FRMD5: variants seen among roughly 807,000 people sequenced by gnomAD.
The protein encoded by FRMD5 is FERM domain-containing protein 5.
FRMD5 carries 20 observed loss-of-function variants against 69.0 expected under a neutral mutation model. That is an observed-to-expected ratio of 0.29 (90% confidence interval 0.20 to 0.42). FRMD5 has a LOEUF of 0.42. Ranked by LOEUF, FRMD5 falls within the 10% of genes least tolerant of loss-of-function variation. FRMD5 has a pLI of 1.00. For synonymous variants in FRMD5, 271 were observed against 260.1 expected, an observed-to-expected ratio of 1.04 and a Z score of -0.40; for missense variants, 595 against 708.6, an observed-to-expected ratio of 0.84 and a Z score of 1.82.
intron 7 of FRMD5, among the ~76,000 whole-genome samples, chr15:43,899,479 G>A (rs1567218602): frequency 6.6e-6 from 1 of 152,116 alleles, no homozygotes; most frequent in Non-Finnish European, 1.5e-5. Context: ...TTGCTCTACC[G>A]CTGAGGGCTT....
Position 43,874,371 on chromosome 15 carries a change from C to T in FRMD5, c.1227G>A (p.Arg409=), listed in dbSNP as rs750681338. 1.9e-6 allele frequency: 3 copies of T among 1,614,172 alleles called. No homozygotes were observed. In the Admixed American group the frequency reaches 5.0e-5, roughly 27 times the overall value. ...DTFLPHVRSS[R]TDSNERVAVI... ...CAGCTACTCGCTCATTGCTATCTGT[C>T]CGGCTGCTTCTCACGTGAGGCAGGA... is the stretch of plus-strand genomic sequence containing the variant. The change falls in exon 14 of 14, where the codon CGG becomes CGA. Residue 409 remains arginine (R), a synonymous_variant. Coordinates refer to ENST00000417257, the MANE Select transcript of FRMD5 (RefSeq NM_032892.5).
chr15:44,048,756 A>G (rs1028889194), intron 1 of FRMD5, among the ~76,000 whole-genome samples: 4 of 152,038 alleles, frequency 2.6e-5, no homozygotes, highest in African/African-American at 9.7e-5. Context: ...TATTTTTAGT[A>G]GAGACAGGGT....
At chr15:43,906,551 C>G (rs1458392312) in intron 5 of FRMD5, among the ~76,000 whole-genome samples, 1 of 152,070 alleles carries the variant, frequency 6.6e-6, no homozygotes, top group Non-Finnish European at 1.5e-5. Context: ...GAGTGGGAAG[C>G]CTGGCTGTAA....
chr15:43,909,550 G>A (rs992523599), intron 5 of FRMD5, among the ~76,000 whole-genome samples: 6 of 150,144 alleles, frequency 4.0e-5, no homozygotes, highest in South Asian at 2.3e-4. Context: ...GTGCAATCTC[G>A]GCTCACTGCA....
chr15:44,127,193 C>T (rs1263377951), intron 1 of FRMD5, among the ~76,000 whole-genome samples: 3 of 152,160 alleles, frequency 2.0e-5, no homozygotes, highest in South Asian at 2.1e-4. Flanking sequence ...AGGAAGTTCA[C>T]GCAATTCTCA....
chr15:43,975,420 T>C (rs1229720242), intron 1 of FRMD5, among the ~76,000 whole-genome samples: 1 of 152,166 alleles, frequency 6.6e-6, no homozygotes, highest in African/African-American at 2.4e-5. Flanking sequence ...GAGATATTCT[T>C]GGCAAATAAA....
At chr15:43,954,572 C>A (rs535809358) in intron 1 of FRMD5, among the ~76,000 whole-genome samples, 1 of 152,086 alleles carries the variant, frequency 6.6e-6, no homozygotes, top group Non-Finnish European at 1.5e-5. Flanking sequence ...ATAATGTGTG[C>A]GAGGGGAAAG....
In FRMD5 at chr15:44,195,069, G is replaced by A; in HGVS notation, c.-15C>T. 1 of 1,096,242 alleles carries A rather than the reference G, an allele frequency of 9.1e-7. No homozygotes were observed. The highest frequency in any genetic ancestry group is 1.3e-6 in the Non-Finnish European group (1 of 795,194). 67.9% of individuals were successfully genotyped at this position (1,096,242 alleles called of 1,614,324 possible). ...CTGCTCAGCATCTTCCCGCCCGCCCGCCCGGGAGCGACGCGGCGGCGCTGC... is the reference window on the plus strand; with the variant it reads ...CTGCTCAGCATCTTCCCGCCCGCCCACCCGGGAGCGACGCGGCGGCGCTGC... On this transcript the variant is annotated 5_prime_UTR_variant, in exon 1 of 14. Coordinates refer to ENST00000417257, the MANE Select transcript of FRMD5 (RefSeq NM_032892.5).
intron 1 of FRMD5, among the ~76,000 whole-genome samples, chr15:44,025,494 T>C (rs1891393214): frequency 6.6e-6 from 1 of 152,216 alleles, no homozygotes; most frequent in South Asian, 2.1e-4. Flanking sequence ...CTTATACATC[T>C]ATGCAGTCTG....
intron 9 of FRMD5, 125 bp downstream of exon 9, chr15:43,888,684 G>A (rs2088722408): frequency 2.6e-6 from 2 of 762,654 alleles, no homozygotes; most frequent in Admixed American, 2.2e-5. Flanking sequence ...TCCAGGTCCT[G>A]ACCTTGGTCT....
intron 1 of FRMD5, among the ~76,000 whole-genome samples, chr15:44,062,222 A>T (rs563945759): frequency 4.8e-4 from 73 of 152,280 alleles, no homozygotes; most frequent in South Asian, 8.3e-4. Context: ...TAAACTTTAA[A>T]AAGTTCATGT....
At chr15:44,141,980 A>G (rs913517886) in intron 1 of FRMD5, among the ~76,000 whole-genome samples, 1 of 152,156 alleles carries the variant, frequency 6.6e-6, no homozygotes, top group African/African-American at 2.4e-5. Flanking sequence ...GCTGTCATTA[A>G]ATTAGGCTTG....
At chr15:44,181,589 CACTA>C (rs1445620084) in intron 1 of FRMD5, among the ~76,000 whole-genome samples, 2 of 151,922 alleles carry the variant, frequency 1.3e-5, no homozygotes, top group Admixed American at 1.3e-4. Context: ...CAACCCTCAC[CACTA>C]ACTAACCACC....
chr15:43,930,709 A>T (rs911375378), intron 1 of FRMD5, among the ~76,000 whole-genome samples: 1 of 152,226 alleles, frequency 6.6e-6, no homozygotes, highest in South Asian at 2.1e-4. Flanking sequence ...CTAGGTTCAG[A>T]TGCCAGGTGC....
chr15:44,081,741 G>A (rs1894005018), intron 1 of FRMD5, among the ~76,000 whole-genome samples: 1 of 151,992 alleles, frequency 6.6e-6, no homozygotes, highest in African/African-American at 2.4e-5. Context: ...TAAATGAATA[G>A]CTTACAAGGT....
chr15:44,059,678 A>T (rs1893012334), intron 1 of FRMD5, among the ~76,000 whole-genome samples: 2 of 148,688 alleles, frequency 1.3e-5, no homozygotes, highest in South Asian at 4.3e-4. Context: ...CGCCCAGCTA[A>T]TTTTTTTTTT....
chr15:44,091,476 C>T (rs10518989), intron 1 of FRMD5, among the ~76,000 whole-genome samples: 5,267 of 152,146 alleles, frequency 0.035, 277 homozygotes, highest in African/African-American at 0.11. Context: ...TAGTGGAATG[C>T]CCATGATCCA....
chr15:43,919,223 T>C, intron 4 of FRMD5: 1 of 659,638 alleles, frequency 1.5e-6, no homozygotes, highest in South Asian at 1.5e-5. Context: ...GAGTGACCAG[T>C]TCAAGAGGTA....
chr15:43,949,668 TG>T (rs1367088083), intron 1 of FRMD5, among the ~76,000 whole-genome samples: 1 of 152,236 alleles, frequency 6.6e-6, no homozygotes, highest in African/African-American at 2.4e-5. Flanking sequence ...TGGTGTTTTT[TG>T]TAAGTTGGCT....
Sources: gnomAD v4.1 joint callset for allele counts (sites outside exome capture counted in the v4.1 genomes callset) on GRCh38, gnomAD v4.1.1 for gene constraint, MANE v1.5 for transcripts, NCBI Gene and HGNC (gene_info 2026-07-23, HGNC 2026-07-21) for gene names.